The following ACSM3 variants were observed in gnomAD, a reference collection of about 807,000 sequenced individuals.
The protein encoded by ACSM3 is acyl-CoA synthetase medium chain family member 3, also known as acyl-coenzyme A synthetase ACSM3, mitochondrial.
In ACSM3, 61 loss-of-function variants were observed where a neutral mutation model predicts 74.1. That is an observed-to-expected ratio of 0.82 (90% CI 0.67 to 1.02). The LOEUF (loss-of-function observed/expected upper bound fraction) is 1.02. ACSM3 is among the 50% of genes least tolerant of loss of function. The pLI, the probability that ACSM3 is intolerant of heterozygous loss-of-function variation, is 0.00. For missense variants in ACSM3, 660 were observed against 697.0 expected (o/e 0.95, Z 0.60); for synonymous variants, 213 against 241.5 (o/e 0.88, Z 1.09).
At chr16:20,732,082 C>T (rs2152408699) in intron 1 of ACSM3, among the ~76,000 whole-genome samples, 1 of 152,210 alleles carries the variant, frequency 6.6e-6, no homozygotes, top group Non-Finnish European at 1.5e-5. Context: ...GCCCTAATAC[C>T]CATATAAATT....
chr16:20,698,499 C>A (rs1447424792), intron 1 of ACSM3, among the ~76,000 whole-genome samples: 1 of 152,038 alleles, frequency 6.6e-6, no homozygotes, highest in Non-Finnish European at 1.5e-5. Flanking sequence ...TGGGCCTCAC[C>A]TCCCTTAATT....
At chr16:20,694,744 A>G (rs1323128536) in intron 1 of ACSM3, among the ~76,000 whole-genome samples, 1 of 152,168 alleles carries the variant, frequency 6.6e-6, no homozygotes, top group East Asian at 1.9e-4. Flanking sequence ...TGAAGTACGA[A>G]CCCCAATATT....
At chr16:20,727,470 T>A in intron 1 of ACSM3, 1 of 441,636 alleles carries the variant, frequency 2.3e-6, no homozygotes, top group Non-Finnish European at 4.4e-6. Flanking sequence ...GGAAGTGGTA[T>A]ATTTAAAGGG....
intron 12 of ACSM3, chr16:20,792,553 C>G (rs950775864): frequency 1.0e-6 from 1 of 985,396 alleles, no homozygotes; most frequent in Non-Finnish European, 1.2e-6. Flanking sequence ...GCTGAAAATA[C>G]GTACTAGAAA....
Position 20,781,720 on chromosome 16 carries a change from T to C in ACSM3, c.952T>C (p.Tyr318His), listed in dbSNP as rs2080357088. The part of the protein sequence containing the change: ...PTSILQTLSK[Y>H]PITVFCSAPT... The stretch of plus-strand genomic sequence containing the variant: ...TTCTAAATTGCAGACACTCTCCAAG[T>C]ACCCCATCACAGTCTTCTGTTCAGC... The change falls in exon 7 of 14, where the codon TAC becomes CAC. Residue 318 changes from tyrosine to histidine, a missense_variant. Coordinates refer to ENST00000289416, the MANE Select transcript of ACSM3 (RefSeq NM_005622.4). 1 of 1,612,516 alleles carries C rather than the reference T, an allele frequency of 6.2e-7. No individual in the cohort carries two copies. Among genetic ancestry groups the C allele is most frequent in the Non-Finnish European group, 8.5e-7 (1 of 1,178,694 alleles).
intron 1 of ACSM3, chr16:20,737,405 T>A (rs530637764): frequency 9.9e-7 from 1 of 1,008,608 alleles, no homozygotes; most frequent in Non-Finnish European, 1.4e-6. Flanking sequence ...CACTCTTCTA[T>A]GTGGACTTCA....
intron 1 of ACSM3, chr16:20,691,116 A>T: frequency 6.2e-7 from 1 of 1,613,690 alleles, no homozygotes; most frequent in Non-Finnish European, 8.5e-7. Flanking sequence ...CGCAGCTGTG[A>T]AGGGGCAGGG....
In ACSM3 at chr16:20,796,963, G is replaced by C. The variant is rs766624805; in HGVS notation, c.1752G>C (p.Lys584Asn). Reference protein sequence around the residue: ...KRNELRKKEWKTI With the variant: ...KRNELRKKEWNTI ...ATGAACTGAGGAAGAAAGAATGGAAGACAATTTAAAGTTGTTTCATTAATT... is the reference window on the plus strand; with the variant it reads ...ATGAACTGAGGAAGAAAGAATGGAACACAATTTAAAGTTGTTTCATTAATT... Residue 584 changes from lysine to asparagine, a missense_variant, in exon 14 of 14, where the codon AAG becomes AAC. By Grantham distance (94) the Lys-to-Asn change is moderately conservative. Transcript: ENST00000289416. 6.2e-7 allele frequency: 1 copy of C among 1,612,168 alleles called. No individual in the cohort carries two copies. Among genetic ancestry groups the C allele is most frequent in the Admixed American group, 1.7e-5 (1 of 59,680 alleles).
At chr16:20,731,607 T>C in intron 1 of ACSM3, 1 of 311,826 alleles carries the variant, frequency 3.2e-6, no homozygotes, top group South Asian at 1.0e-4. Flanking sequence ...GCAAGATAAA[T>C]TATCTGTTGC....
At chr16:20,737,743 T>C in intron 1 of ACSM3, 1 of 1,613,686 alleles carries the variant, frequency 6.2e-7, no homozygotes, top group Non-Finnish European at 8.5e-7. Flanking sequence ...TCTATTCACA[T>C]GACTGTTATT....
At chr16:20,709,563 A>G (rs1021803003) in intron 1 of ACSM3, among the ~76,000 whole-genome samples, 3 of 152,228 alleles carry the variant, frequency 2.0e-5, no homozygotes, top group Admixed American at 6.5e-5. Flanking sequence ...TCACAAATAT[A>G]CCACGGATAC....
intron 4 of ACSM3, among the ~76,000 whole-genome samples, chr16:20,778,115 G>A (rs2080278313): frequency 1.3e-5 from 2 of 152,238 alleles, no homozygotes; most frequent in South Asian, 4.1e-4. Context: ...ATCACAGTCA[G>A]TCCTTCAGTG....
intron 3 of ACSM3, chr16:20,755,627 T>TTTATTATTATTATTATTATTATTATTA (rs71149182): frequency 2.1e-5 from 3 of 146,132 alleles, no homozygotes; most frequent in African/African-American, 7.6e-5. Context: ...GTAAGTGCTT[T>TTTATTATTATTATTATTATTATTATTA]TTATTATTAT....
rs771244015 is a variant in ACSM3, at chr16:20,682,466, G to A, written c.-190+7644G>A. ...GGTCGCAGGAATGAAGATGATCCCT[G>A]GGGATGAGAAAGGAACTGATTGTTT... On this transcript the variant is annotated intron_variant, in intron 1 of 3. Transcript: ENST00000561584. The A allele has an allele frequency of 5.0e-6, 8 of 1,612,092 alleles. No homozygotes were observed. In the South Asian group the frequency reaches 8.8e-5, roughly 18 times the overall value.
intron 1 of ACSM3, among the ~76,000 whole-genome samples, chr16:20,727,979 G>T (rs1207588879): frequency 6.6e-6 from 1 of 152,206 alleles, no homozygotes; most frequent in Non-Finnish European, 1.5e-5. Context: ...CAATGCTCCA[G>T]AATCTCCAAT....
intron 1 of ACSM3, among the ~76,000 whole-genome samples, chr16:20,683,032 C>A (rs1311331393): frequency 4.6e-5 from 7 of 152,176 alleles, no homozygotes; most frequent in African/African-American, 1.7e-4. Flanking sequence ...AGTTTTGAAT[C>A]TTCCTGCTAC....
chr16:20,674,965 G>A (rs933074093), intron 1 of ACSM3: 2 of 152,280 alleles, frequency 1.3e-5, no homozygotes, highest in Admixed American at 1.3e-4. Flanking sequence ...TGAACCTCGT[G>A]TCCCCCTAAC....
At chr16:20,694,987 A>G (rs2079681925) in intron 1 of ACSM3, among the ~76,000 whole-genome samples, 1 of 152,162 alleles carries the variant, frequency 6.6e-6, no homozygotes, top group Non-Finnish European at 1.5e-5. Flanking sequence ...GAGAAAATCA[A>G]TTTCTGTTGT....
chr16:20,790,371 G>A lies in ACSM3; in HGVS notation c.1225-216G>A, dbSNP rs2080569997. Among the ~76,000 whole-genome samples, 1 of 152,154 alleles carries A rather than the reference G, an allele frequency of 6.6e-6. No individual in the cohort carries two copies. Among genetic ancestry groups the A allele is most frequent in the African/African-American group, 2.4e-5 (1 of 41,442 alleles). ...AAGCTGAGGTGTGAGGACTGTTTGA[G>A]ACCAGAAGTTTGACGCTGCAGTGAG... is the stretch of plus-strand genomic sequence containing the variant. On this transcript the variant is annotated intron_variant, in intron 9 of 13. Coordinates refer to ENST00000289416, the MANE Select transcript of ACSM3 (RefSeq NM_005622.4). The surrounding 1 kb of genome is among the most constrained non-coding windows in gnomAD (Gnocchi z 4.0).
Sources: allele counts gnomAD v4.1 joint callset (sites outside exome capture counted in the v4.1 genomes callset), GRCh38; gene constraint gnomAD v4.1.1; non-coding constraint Gnocchi (gnomAD v3.1); transcripts MANE v1.5; gene names NCBI Gene and HGNC (gene_info 2026-07-23, HGNC 2026-07-21).